EFNA5: variants seen among roughly 807,000 people sequenced by gnomAD.
EFNA5 encodes the protein ephrin A5.
Under a neutral mutation model 22.9 loss-of-function variants are expected in EFNA5, and 5 were observed. That is an observed-to-expected ratio of 0.22 (90% CI 0.11 to 0.46). EFNA5 has a LOEUF of 0.46. Ranked by LOEUF, EFNA5 falls within the 20% of genes least tolerant of loss-of-function variation. The probability of loss-of-function intolerance (pLI) is 0.99; values close to 1 mark genes in which losing one functional copy is unlikely to be tolerated. For missense variants in EFNA5, 237 were observed against 293.3 expected, an observed-to-expected ratio of 0.81 and a Z score of 1.40; for synonymous variants, 113 against 112.2, an observed-to-expected ratio of 1.01 and a Z score of -0.04.
intron 1 of EFNA5, among the ~76,000 whole-genome samples, chr5:107,428,031 G>C (rs1748850807): frequency 6.6e-6 from 1 of 152,138 alleles, no homozygotes; most frequent in Non-Finnish European, 1.5e-5. Flanking sequence ...AAAATTGGGA[G>C]AATTAGAATC....
intron 1 of EFNA5, among the ~76,000 whole-genome samples, chr5:107,657,892 C>T (rs1324098424): frequency 1.3e-5 from 2 of 152,060 alleles, no homozygotes; most frequent in Non-Finnish European, 2.9e-5. Flanking sequence ...GAGTAATCTT[C>T]TGAATTTAAC....
Position 107,586,025 on chromosome 5 carries a change from A to G in EFNA5, c.125+84464T>C, listed in dbSNP as rs185055978. On this transcript the variant is annotated intron_variant, in intron 1 of 4. Coordinates refer to ENST00000333274, the MANE Select transcript of EFNA5 (RefSeq NM_001962.3). Reference sequence around the variant, plus strand: ...AAATCAGACTGACATCAAAATCCCCATCAAACTAAAGCTAGAGTGGATGCA... The same window carrying G: ...AAATCAGACTGACATCAAAATCCCCGTCAAACTAAAGCTAGAGTGGATGCA... 1.2e-3 allele frequency among the ~76,000 whole-genome samples: 182 copies of G among 152,328 alleles called. 2 individuals are homozygous for G. The highest frequency in any genetic ancestry group is 3.3e-3 in the Admixed American group (51 of 15,294).
At chr5:107,634,928 C>T (rs955065501) in intron 1 of EFNA5, among the ~76,000 whole-genome samples, 3 of 152,088 alleles carry the variant, frequency 2.0e-5, no homozygotes, top group Admixed American at 6.6e-5. Context: ...TTAAAATATA[C>T]GAAATTCAAA....
chr5:107,625,842 T>C (rs1313244491), intron 1 of EFNA5, among the ~76,000 whole-genome samples: 2 of 152,198 alleles, frequency 1.3e-5, no homozygotes, highest in East Asian at 3.8e-4. Context: ...CTTGTTACTA[T>C]GATTTTCAAA....
intron 1 of EFNA5, among the ~76,000 whole-genome samples, chr5:107,521,508 C>G (rs952140647): frequency 4.9e-5 from 7 of 144,012 alleles, no homozygotes; most frequent in African/African-American, 1.8e-4. Context: ...ACAGGGTTTC[C>G]ATATGTTGCC....
chr5:107,573,690 C>G (rs560200517), intron 1 of EFNA5, among the ~76,000 whole-genome samples: 5 of 152,118 alleles, frequency 3.3e-5, no homozygotes, highest in African/African-American at 1.2e-4. Context: ...AACATGATTA[C>G]GTGGGTTTCC....
At chr5:107,621,270 G>T (rs1750032077) in intron 1 of EFNA5, among the ~76,000 whole-genome samples, 1 of 152,128 alleles carries the variant, frequency 6.6e-6, no homozygotes, top group African/African-American at 2.4e-5. Flanking sequence ...TACCAGACAG[G>T]CCCAGGGTTG....
At chr5:107,482,407 T>C (rs1164366084) in intron 1 of EFNA5, among the ~76,000 whole-genome samples, 1 of 152,020 alleles carries the variant, frequency 6.6e-6, no homozygotes. Flanking sequence ...ATCTAGAAAA[T>C]AGTCTGTTTT....
chr5:107,494,103 C>T (rs949680404), intron 1 of EFNA5, among the ~76,000 whole-genome samples: 3 of 152,228 alleles, frequency 2.0e-5, no homozygotes, highest in African/African-American at 7.2e-5. Context: ...TCACAGCCTT[C>T]GCTCGCTCTG....
At chr5:107,529,994 T>C (rs1245071618) in intron 1 of EFNA5, among the ~76,000 whole-genome samples, 1 of 152,266 alleles carries the variant, frequency 6.6e-6, no homozygotes, top group Non-Finnish European at 1.5e-5. Context: ...AGTGCAAATT[T>C]TCTATCTTTT....
chr5:107,614,424 C>T (rs1485210362), intron 1 of EFNA5, among the ~76,000 whole-genome samples: 1 of 152,044 alleles, frequency 6.6e-6, no homozygotes, highest in East Asian at 1.9e-4. Flanking sequence ...GTAAAATGTG[C>T]AATTTATTTT....
chr5:107,615,378 T>TA, intron 1 of EFNA5, among the ~76,000 whole-genome samples: 1 of 151,974 alleles, frequency 6.6e-6, no homozygotes, highest in East Asian at 1.9e-4. Context: ...AATTTCTATT[T>TA]AAAAAAACAT....
At position 107,408,292 on chromosome 5, in the gene EFNA5, A is replaced by T. The variant is rs181387022; in HGVS notation, c.418+18925T>A. The stretch of plus-strand genomic sequence containing the variant: ...CTCAGGGGCCAAGAATTTTATCTCA[A>T]TCTCAAAGAAATGTTCTTTACACTC... On this transcript the variant is annotated intron_variant, in intron 2 of 4. Transcript: ENST00000333274. Among the ~76,000 whole-genome samples, 3 of 152,262 alleles carry T rather than the reference A, an allele frequency of 2.0e-5. No individual in the cohort carries two copies. In the East Asian group the frequency reaches 5.8e-4, roughly 29 times the overall value.
chr5:107,498,153 T>C (rs1176412706), intron 1 of EFNA5, among the ~76,000 whole-genome samples: 2 of 152,222 alleles, frequency 1.3e-5, no homozygotes, highest in Non-Finnish European at 2.9e-5. Flanking sequence ...TGACCTCAAG[T>C]GATCCGCCTT....
At chr5:107,624,369 A>T (rs1300826867) in intron 1 of EFNA5, among the ~76,000 whole-genome samples, 2 of 152,196 alleles carry the variant, frequency 1.3e-5, no homozygotes, top group Non-Finnish European at 2.9e-5. Flanking sequence ...ATGATGGCAG[A>T]CATAATAGAA....
At chr5:107,481,349 G>A (rs1580481265) in intron 1 of EFNA5, among the ~76,000 whole-genome samples, 1 of 152,170 alleles carries the variant, frequency 6.6e-6, no homozygotes, top group African/African-American at 2.4e-5. Flanking sequence ...CTTCTCCATC[G>A]CACTGGGCCA....
At chr5:107,563,572 G>T (rs1748593177) in intron 1 of EFNA5, among the ~76,000 whole-genome samples, 1 of 152,072 alleles carries the variant, frequency 6.6e-6, no homozygotes, top group African/African-American at 2.4e-5. Context: ...AAGTAGCTGG[G>T]ACAACAGGTG....
intron 4 of EFNA5, among the ~76,000 whole-genome samples, chr5:107,386,148 CAAAAAAAA>C (rs33964723): frequency 2.3e-4 from 18 of 79,492 alleles, no homozygotes; most frequent in South Asian, 5.2e-4. Flanking sequence ...AGAAATTCTA[CAAAAAAAA>C]AAAAAAAAAA....
chr5:107,620,772 G>T (rs1750016849), intron 1 of EFNA5, among the ~76,000 whole-genome samples: 3 of 151,944 alleles, frequency 2.0e-5, no homozygotes, highest in Admixed American at 2.0e-4. Flanking sequence ...ACAGGCTAAA[G>T]GAAAAAAATA....
Sources: gnomAD v4.1 joint callset for allele counts (sites outside exome capture counted in the v4.1 genomes callset) on GRCh38, gnomAD v4.1.1 for gene constraint, MANE v1.5 for transcripts, NCBI Gene and HGNC (gene_info 2026-07-23, HGNC 2026-07-21) for gene names.